The following CC2D2A variants were observed in gnomAD, a reference collection of about 807,000 sequenced individuals.
CC2D2A encodes the protein coiled-coil and C2 domain-containing protein 2A.
In CC2D2A, 155 loss-of-function variants were observed where a neutral mutation model predicts 212.9. The observed-to-expected ratio is 0.73, with a 90% CI of 0.64 to 0.83. The LOEUF is 0.83. Among genes scored for constraint, CC2D2A ranks in the 40% least tolerant of loss-of-function variants. CC2D2A has a pLI of 0.00. For synonymous variants in CC2D2A, 667 were observed against 686.5 expected (o/e 0.97, Z 0.44); for missense variants, 1,856 against 1,956.2 (o/e 0.95, Z 0.97).
intron 4 of CC2D2A, chr4:15,481,980 T>C: frequency 1.0e-6 from 1 of 985,394 alleles, no homozygotes; most frequent in Non-Finnish European, 1.2e-6. Flanking sequence ...CCCAGTACAA[T>C]GAACATTAGG....
At chr4:15,579,214 A>G (rs1224822947) in intron 29 of CC2D2A, among the ~76,000 whole-genome samples, 2 of 151,968 alleles carry the variant, frequency 1.3e-5, no homozygotes, top group Non-Finnish European at 2.9e-5. Context: ...CTGTAATCCC[A>G]TTGCTTTAGG....
intron 4 of CC2D2A, 106 bp downstream of exon 4, chr4:15,480,933 C>G: frequency 7.4e-7 from 1 of 1,348,524 alleles, no homozygotes. Context: ...CATGCATTGC[C>G]ACTGCTGCTC....
chr4:15,511,496 A>G (rs1716569065), intron 8 of CC2D2A, 73 bp downstream of exon 8: 1 of 1,364,758 alleles, frequency 7.3e-7, no homozygotes, highest in South Asian at 1.8e-5. Context: ...CCTGCAAGAA[A>G]GAAAGTGGCT....
At chr4:15,523,982 A>G (rs1483813162) in intron 11 of CC2D2A, among the ~76,000 whole-genome samples, 1 of 152,198 alleles carries the variant, frequency 6.6e-6, no homozygotes, top group African/African-American at 2.4e-5. Flanking sequence ...GAAGACGGGA[A>G]AGGAGAAATC....
intron 1 of CC2D2A, among the ~76,000 whole-genome samples, chr4:15,474,858 T>G (rs1278058910): frequency 6.6e-6 from 1 of 152,182 alleles, no homozygotes; most frequent in Non-Finnish European, 1.5e-5. Context: ...GCAAAAGCAG[T>G]TGCAGAGTAT....
At position 15,480,806 on chromosome 4, in the gene CC2D2A, A is replaced by G. The variant is rs1279922150; in HGVS notation, c.226A>G (p.Thr76Ala). The stretch of plus-strand genomic sequence containing the variant: ...GCCCAAGACCCGCCTCCTGAGTATG[A>G]CAGTCCGGAGAGGCCCACGGAGTAA... ...EEPKTRLLSM[T>A]VRRGPRSLPP... Residue 76 changes from threonine (T) to alanine (A), a missense_variant, in exon 4 of 37, where the codon ACA becomes GCA. By Grantham distance (58) the Thr-to-Ala change is moderately conservative (BLOSUM62 0). Around this residue, in one of 5 missense-constraint regions of CC2D2A, gnomAD observed 1,512 missense variants for 1,579.3 expected, o/e 0.96. Transcript: ENST00000424120. 1 of 1,613,280 alleles carries G rather than the reference A, an allele frequency of 6.2e-7. No homozygotes were observed. Among genetic ancestry groups the G allele is most frequent in the Admixed American group, 1.7e-5 (1 of 59,952 alleles).
intron 13 of CC2D2A, among the ~76,000 whole-genome samples, chr4:15,532,831 T>C (rs1717918912): frequency 6.6e-6 from 1 of 152,280 alleles, no homozygotes; most frequent in Admixed American, 6.5e-5. Context: ...AGACTTTACA[T>C]GTATTTGTTG....
chr4:15,576,689 T>G (rs1196253669), intron 29 of CC2D2A: 1 of 152,702 alleles, frequency 6.5e-6, no homozygotes, highest in East Asian at 1.9e-4. Flanking sequence ...TAGCTGCTTC[T>G]GTCCACTGCC....
intron 18 of CC2D2A, 36 bp downstream of exon 18, chr4:15,551,016 T>G: frequency 2.0e-6 from 3 of 1,509,722 alleles, no homozygotes; most frequent in Non-Finnish European, 2.7e-6. Flanking sequence ...GTTCACTGTT[T>G]CATTGTCAGA....
At chr4:15,579,832 C>A (rs1180280688) in intron 29 of CC2D2A, 136 bp from the exon 30 acceptor site, 3 of 665,360 alleles carry the variant, frequency 4.5e-6, no homozygotes, top group Non-Finnish European at 7.9e-6. Context: ...TGCAGGGACA[C>A]CAGGACATGA....
intron 14 of CC2D2A, among the ~76,000 whole-genome samples, chr4:15,535,653 C>T (rs1035317598): frequency 1.2e-4 from 19 of 152,204 alleles, no homozygotes; most frequent in African/African-American, 4.3e-4. Context: ...TTATAAATTT[C>T]GGGTACCACT....
At chr4:15,494,109 A>G (rs1010922195) in intron 4 of CC2D2A, among the ~76,000 whole-genome samples, 2 of 152,188 alleles carry the variant, frequency 1.3e-5, no homozygotes, top group Non-Finnish European at 2.9e-5. Flanking sequence ...ATGTCAAAAT[A>G]TATCTGTGAT....
chr4:15,593,363 T>A (rs1473727734), intron 33 of CC2D2A, among the ~76,000 whole-genome samples: 2 of 152,210 alleles, frequency 1.3e-5, no homozygotes, highest in African/African-American at 2.4e-5. Flanking sequence ...CTTCTCTATA[T>A]CCTTTGCTAC....
At chr4:15,494,352 C>T (rs539313079) in intron 4 of CC2D2A, among the ~76,000 whole-genome samples, 1 of 152,266 alleles carries the variant, frequency 6.6e-6, no homozygotes, top group African/African-American at 2.4e-5. Flanking sequence ...TTTCAGCTAA[C>T]ATAAAATGAA....
At chr4:15,557,616 C>A in intron 21 of CC2D2A, 109 bp downstream of exon 21, 1 of 635,434 alleles carries the variant, frequency 1.6e-6, no homozygotes, top group Non-Finnish European at 2.5e-6. Flanking sequence ...CTAGCAATAG[C>A]GGTTTCTCTT....
intron 6 of CC2D2A, 94 bp downstream of exon 6, chr4:15,503,017 G>A (rs1716050691): frequency 9.0e-6 from 8 of 891,162 alleles, no homozygotes; most frequent in Non-Finnish European, 1.4e-5. Context: ...ATGCACAGAG[G>A]AGGTATTAAA....
intron 14 of CC2D2A, chr4:15,533,554 T>C (rs552202211): frequency 2.6e-6 from 1 of 377,410 alleles, no homozygotes; most frequent in Non-Finnish European, 4.8e-6. Context: ...CATTGTTTTC[T>C]TGCTTTTATA....
intron 4 of CC2D2A, chr4:15,482,077 C>T (rs1159420176): frequency 1.0e-6 from 1 of 985,406 alleles, no homozygotes; most frequent in Admixed American, 6.1e-5. Context: ...GAAGTGGTTA[C>T]ACTTTTTAAT....
rs1284018435 is a variant in CC2D2A at position 15,527,623 on chromosome 4, C to T, written c.1326C>T (p.His442=). Residue 442 remains histidine, a synonymous_variant, in exon 12 of 37, where the codon CAC becomes CAT. Coordinates refer to ENST00000424120, the MANE Select transcript of CC2D2A (RefSeq NM_001378615.1). ...TATATGACCAGTACCTTGCAAGACA[C>T]CAGAGAAACAAGGCGAAATTTCTTA... The part of the protein sequence containing the change: ...AQLYDQYLAR[H]QRNKAKFLTD... 1 of 1,611,664 alleles carries T rather than the reference C, an allele frequency of 6.2e-7. No individual in the cohort carries two copies. The highest frequency in any genetic ancestry group is 1.1e-5 in the South Asian group (1 of 90,444).
Sources: allele counts gnomAD v4.1 joint callset (sites outside exome capture counted in the v4.1 genomes callset), GRCh38; gene constraint gnomAD v4.1.1; regional missense constraint gnomAD v4.1.1; transcripts MANE v1.5; gene names NCBI Gene and HGNC (gene_info 2026-07-23, HGNC 2026-07-21).